The following TEX11 variants were observed in gnomAD, a reference collection of about 807,000 sequenced individuals.
TEX11 encodes testis expressed 11.
A neutral mutation model predicts 84.4 loss-of-function variants in TEX11; 7 were observed. The ratio of observed to expected loss-of-function variants is 0.08; its 90% CI spans 0.05 to 0.16. The LOEUF is 0.16. TEX11 is among the 10% of genes least tolerant of loss of function. The pLI is 1.00. For synonymous variants in TEX11, 264 were observed against 222.8 expected (o/e 1.18, Z -1.64); for missense variants, 551 against 660.5 (o/e 0.83, Z 1.82).
At chrX:70,852,422 T>C (rs2091513524) in intron 7 of TEX11, among the ~76,000 whole-genome samples, 1 of 111,972 alleles carries the variant, frequency 8.9e-6, no homozygotes, top group East Asian at 2.8e-4. Context: ...ATTCCTGGGC[T>C]CAAGCAATCT....
the TEX11 span, among the ~76,000 whole-genome samples, chrX:70,523,767 C>CTCT: frequency 2.1e-5 from 2 of 94,455 alleles, no homozygotes; most frequent in East Asian, 7.2e-4. Context: ...CCTGGCCCCC[C>CTCT]TCTTTTTTTT....
chrX:70,678,526 C>T (rs1176004655), intron 15 of TEX11, among the ~76,000 whole-genome samples: 5 of 109,934 alleles, frequency 4.5e-5, no homozygotes, highest in African/African-American at 1.7e-4. Context: ...TCTTTCTCAG[C>T]CCTCATGTTA....
At chrX:70,660,909 C>A (rs2089918509) in intron 16 of TEX11, among the ~76,000 whole-genome samples, 2 of 111,206 alleles carry the variant, frequency 1.8e-5, no homozygotes, top group Admixed American at 9.5e-5. Flanking sequence ...CCAAGATGGC[C>A]GAATAGAAAC....
intron 9 of TEX11, among the ~76,000 whole-genome samples, chrX:70,782,193 C>T (rs770849159): frequency 9.0e-6 from 1 of 111,513 alleles, no homozygotes; most frequent in South Asian, 3.7e-4. Context: ...AATTTTCAAC[C>T]CAGAATTTCA....
intron 20 of TEX11, among the ~76,000 whole-genome samples, chrX:70,618,026 G>A (rs930090845): frequency 2.7e-5 from 3 of 111,977 alleles, no homozygotes; most frequent in Non-Finnish European, 5.6e-5. Context: ...CTGTTTGGAA[G>A]GCTACCATCA....
chrX:70,796,709 G>A (rs1193533193), intron 9 of TEX11, among the ~76,000 whole-genome samples: 2 of 112,111 alleles, frequency 1.8e-5, no homozygotes, highest in Non-Finnish European at 3.8e-5. Context: ...TGCAAGCTAT[G>A]CATCCAACAA....
At chrX:70,528,445 G>C (rs2087843354), downstream of TEX11, among the ~76,000 whole-genome samples, 1 of 109,694 alleles carries the variant, frequency 9.1e-6, no homozygotes, top group Non-Finnish European at 1.9e-5. Context: ...AGCCTCCCGA[G>C]TAGCTGGGAC....
chrX:70,906,272 C>T (rs1390314100), intron 2 of TEX11, among the ~76,000 whole-genome samples: 2 of 104,735 alleles, frequency 1.9e-5, no homozygotes, highest in East Asian at 5.9e-4. Flanking sequence ...AAGCATATGG[C>T]AAGCTTAAGA....
At chrX:70,524,231 C>A (rs934059536), downstream of TEX11, among the ~76,000 whole-genome samples, 1 of 112,353 alleles carries the variant, frequency 8.9e-6, no homozygotes, top group African/African-American at 3.2e-5. Flanking sequence ...GAAGGAGAGA[C>A]TTGGTCCTCT....
intron 2 of TEX11, among the ~76,000 whole-genome samples, chrX:70,887,793 G>A (rs1348356387): frequency 8.9e-6 from 1 of 112,623 alleles, no homozygotes; most frequent in African/African-American, 3.2e-5. Flanking sequence ...ACCCAGTACT[G>A]TGCTGGCTTC....
At chrX:70,731,363 G>A (rs1294254450) in intron 11 of TEX11, among the ~76,000 whole-genome samples, 1 of 110,943 alleles carries the variant, frequency 9.0e-6, no homozygotes, top group African/African-American at 3.3e-5. Flanking sequence ...ATGAATCCAG[G>A]AGCTGGTTTT....
intron 7 of TEX11, among the ~76,000 whole-genome samples, chrX:70,850,090 T>C (rs2091499651): frequency 8.9e-6 from 1 of 112,253 alleles, no homozygotes; most frequent in Non-Finnish European, 1.9e-5. Context: ...CTACTCCTTA[T>C]ATTAAGCCAA....
chrX:70,714,705 T>C (rs1360968761), intron 13 of TEX11, among the ~76,000 whole-genome samples: 4 of 111,618 alleles, frequency 3.6e-5, no homozygotes, highest in South Asian at 3.8e-4. Context: ...TGAGATGGGT[T>C]TCCTGAATAC....
chrX:70,681,665 G>A (rs2090148799), intron 14 of TEX11, among the ~76,000 whole-genome samples: 1 of 111,340 alleles, frequency 9.0e-6, no homozygotes, highest in Admixed American at 9.6e-5. Flanking sequence ...AAAATTGGTA[G>A]AGTTTTTTTT....
intron 2 of TEX11, among the ~76,000 whole-genome samples, chrX:70,883,115 G>C (rs750595960): frequency 4.5e-5 from 5 of 111,838 alleles, no homozygotes; most frequent in Non-Finnish European, 9.4e-5. Flanking sequence ...TTGCATCTGG[G>C]AGAAGCTCAG....
At chrX:70,572,773 T>A in intron 25 of TEX11, among the ~76,000 whole-genome samples, 1 of 99,506 alleles carries the variant, frequency 1.0e-5, no homozygotes, top group East Asian at 3.3e-4. Context: ...GCACCGCATG[T>A]TCTCACTCAT....
intron 2 of TEX11, among the ~76,000 whole-genome samples, chrX:70,907,310 A>T (rs896631870): frequency 1.8e-5 from 2 of 112,171 alleles, no homozygotes; most frequent in African/African-American, 3.2e-5. Flanking sequence ...AAAGGTTCCC[A>T]ATGTGTTAAA....
chrX:70,611,907 G>A (rs1192233279), intron 20 of TEX11, among the ~76,000 whole-genome samples: 4 of 111,450 alleles, frequency 3.6e-5, no homozygotes, highest in Middle Eastern at 4.7e-3. Context: ...ATGCCAAGGC[G>A]GGAGGATTGC....
Position 70,605,521 on chromosome X carries a change from A to G in TEX11, c.1951-4T>C. 6 of 1,144,452 alleles carry G rather than the reference A, an allele frequency of 5.2e-6. No homozygotes were observed. Among genetic ancestry groups the G allele is most frequent in the Non-Finnish European group, 6.0e-6 (5 of 836,309 alleles). 94.3% of individuals were successfully genotyped at this position (1,144,452 alleles called of 1,213,427 possible). Reference sequence around the variant, plus strand: ...CAGAAGGACAAAACTGGGACATCTGATAAGAAGTAACCAGAACATCAATGA... The same window carrying G: ...CAGAAGGACAAAACTGGGACATCTGGTAAGAAGTAACCAGAACATCAATGA... On this transcript the variant is annotated splice_polypyrimidine_tract_variant and splice_region_variant and intron_variant, in intron 23 of 29. Transcript: ENST00000374333.
Sources: gnomAD v4.1 joint callset for allele counts (sites outside exome capture counted in the v4.1 genomes callset) on GRCh38, gnomAD v4.1.1 for gene constraint, MANE v1.5 for transcripts, NCBI Gene and HGNC (gene_info 2026-07-23, HGNC 2026-07-21) for gene names.